LRP5: variants seen among roughly 807,000 people sequenced by gnomAD.
LRP5 encodes low-density lipoprotein receptor-related protein 5.
In LRP5, 62 loss-of-function variants were observed where a neutral mutation model predicts 154.1. That is an observed-to-expected ratio of 0.40 (90% CI 0.33 to 0.50). LRP5 has a LOEUF of 0.50. Among genes scored for constraint, LRP5 ranks in the 20% least tolerant of loss-of-function variants. LRP5 has a pLI of 0.55. For missense variants in LRP5, 1,915 were observed against 2,336.7 expected (o/e 0.82, Z 3.72); for synonymous variants, 966 against 1,011.5 (o/e 0.96, Z 0.85).
chr11:68,321,195 A>G (rs1017678777), intron 1 of LRP5, among the ~76,000 whole-genome samples: 16 of 151,192 alleles, frequency 1.1e-4, no homozygotes, highest in African/African-American at 3.7e-4. Context: ...TGTAGTGTCC[A>G]CAGACACCTG....
intron 2 of LRP5, 129 bp downstream of exon 2, chr11:68,348,372 G>A (rs1591205465): frequency 1.6e-6 from 2 of 1,232,614 alleles, no homozygotes; most frequent in East Asian, 2.5e-5. Context: ...CCGTGGGGGG[G>A]TTGGCTCAGG....
chr11:68,395,303 A>AG (rs2098648650), intron 7 of LRP5, among the ~76,000 whole-genome samples: 1 of 150,198 alleles, frequency 6.7e-6, no homozygotes, highest in African/African-American at 2.4e-5. Flanking sequence ...TCCATCTCAA[A>AG]AAAAAAAAAA....
At position 68,443,575 on chromosome 11, in the gene LRP5, ATATATATATATT is replaced by A. The variant is rs1163414487; in HGVS notation, c.4489-2859_4489-2848del. ...TATATATATATATATATATATATAT[ATATATATATATT>A]TTTTTTTTTTTTGGTTATGTTCAGA... On this transcript the variant is annotated intron_variant, in intron 21 of 22. Transcript: ENST00000294304. Among the ~76,000 whole-genome samples the A allele has an allele frequency of 4.6e-3, 191 of 41,364 alleles. 5 individuals are homozygous for A. Among genetic ancestry groups the A allele is most frequent in the Middle Eastern group, 0.012 (1 of 82 alleles). The allele number at this position is 41,364 out of a possible 152,430, so 27.1% of individuals were successfully genotyped here.
In LRP5 at chr11:68,353,481, C is replaced by T. The variant is rs549479090; in HGVS notation, c.489-4169C>T. ...GAGGATTCCAGCCTGTCACAGCGCC[C>T]GCGGCAGCAACCCCTGCTCGCCAAA... On this transcript the variant is annotated intron_variant, in intron 2 of 22. Transcript: ENST00000294304. This position sits in a 1 kb window ranked among gnomAD's most constrained non-coding sequence, Gnocchi z 4.5. Among the ~76,000 whole-genome samples the T allele has an allele frequency of 4.3e-4, 66 of 152,180 alleles. No homozygotes were observed. The highest frequency in any genetic ancestry group is 5.1e-4 in the Non-Finnish European group (35 of 68,034).
intron 2 of LRP5, among the ~76,000 whole-genome samples, chr11:68,354,039 G>A (rs983437795): frequency 2.6e-5 from 4 of 152,164 alleles, no homozygotes; most frequent in Admixed American, 6.5e-5. Context: ...AGGAGTCCCC[G>A]GCCTGTACCA....
At chr11:68,377,439 C>T (rs1359937662) in intron 5 of LRP5, among the ~76,000 whole-genome samples, 3 of 152,110 alleles carry the variant, frequency 2.0e-5, no homozygotes, top group Non-Finnish European at 2.9e-5. Flanking sequence ...TGACAGTGGC[C>T]GGCCTCAGGT....
At position 68,439,874 on chromosome 11, in the gene LRP5, G is replaced by A. The variant is rs142191419; in HGVS notation, c.4446G>A (p.Ser1482=). 41 of 1,595,298 alleles carry A rather than the reference G, an allele frequency of 2.6e-5. No individual in the cohort carries two copies. The highest frequency in any genetic ancestry group is 1.2e-4 in the African/African-American group (9 of 74,796). The change falls in exon 21 of 23, where the codon TCG becomes TCA. Residue 1482 remains serine (S), a synonymous_variant. Transcript: ENST00000294304. ...ACCGGAACCACGTCACAGGGGCCTCGTCCAGCAGCTCGTCCAGCACGAAGG... is the reference window on the plus strand; with the variant it reads ...ACCGGAACCACGTCACAGGGGCCTCATCCAGCAGCTCGTCCAGCACGAAGG... ...LYDRNHVTGA[S]SSSSSSTKAT... is the part of the protein sequence containing the mutation.
intron 5 of LRP5, among the ~76,000 whole-genome samples, chr11:68,381,438 G>A (rs1192389570): frequency 1.3e-5 from 2 of 152,106 alleles, no homozygotes; most frequent in African/African-American, 4.8e-5. Flanking sequence ...CCTTGGGATG[G>A]CTTTTTTGTT....
intron 1 of LRP5, among the ~76,000 whole-genome samples, chr11:68,326,826 A>C (rs2098599980): frequency 6.6e-6 from 1 of 152,214 alleles, no homozygotes; most frequent in African/African-American, 2.4e-5. Flanking sequence ...CTTGCGGCAT[A>C]TGGGAAGCCT....
At chr11:68,411,327 CGG>C (rs1276117212) in intron 10 of LRP5, 107 bp from the exon 11 acceptor site, 1 of 1,217,074 alleles carries the variant, frequency 8.2e-7, no homozygotes, top group Non-Finnish European at 1.2e-6. Flanking sequence ...TTCTCCAGGA[CGG>C]GGAGGGCTGA....
chr11:68,428,943 A>AAAAAAT, intron 16 of LRP5, among the ~76,000 whole-genome samples: 1 of 3,174 alleles, frequency 3.2e-4, no homozygotes, highest in South Asian at 0.022. Context: ...AAAAAAAAAA[A>AAAAAAT]AAAATTAGCC....
At chr11:68,443,579 ATATATATTTT>A (rs1228717929) in intron 21 of LRP5, among the ~76,000 whole-genome samples, 1,380 of 39,686 alleles carry the variant, frequency 0.035, 14 homozygotes, top group East Asian at 0.048. Flanking sequence ...ATATATATAT[ATATATATTTT>A]TTTTTTTTTT....
chr11:68,318,613 A>G (rs2098594866), intron 1 of LRP5, among the ~76,000 whole-genome samples: 1 of 152,170 alleles, frequency 6.6e-6, no homozygotes, highest in Non-Finnish European at 1.5e-5. Flanking sequence ...TGCTGGGATT[A>G]CAGACATGAG....
At chr11:68,355,884 G>A (rs1168167807) in intron 2 of LRP5, among the ~76,000 whole-genome samples, 5 of 152,060 alleles carry the variant, frequency 3.3e-5, no homozygotes, top group Admixed American at 6.6e-5. Context: ...TGTCTCCCAG[G>A]CTGAGAGTGC....
In LRP5 at chr11:68,438,651, C is replaced by A; in HGVS notation, c.4317C>A (p.Ala1439=). Reference sequence around the variant, plus strand: ...CGCACGTGCCCCTCAATTTCATAGCCCCGGGCGGTTCCCAGCATGGCCCCT... The same window carrying A: ...CGCACGTGCCCCTCAATTTCATAGCACCGGGCGGTTCCCAGCATGGCCCCT... The part of the protein sequence containing the change: ...GTPHVPLNFI[A]PGGSQHGPFT... Residue 1439 remains alanine (A), a synonymous_variant, in exon 20 of 23, where the codon GCC becomes GCA. Transcript: ENST00000294304. 6.2e-7 allele frequency: 1 copy of A among 1,613,322 alleles called. No individual in the cohort carries two copies. Among genetic ancestry groups the A allele is most frequent in the Non-Finnish European group, 8.5e-7 (1 of 1,179,980 alleles).
At chr11:68,436,304 G>A (rs1046104977) in intron 18 of LRP5, among the ~76,000 whole-genome samples, 4 of 152,170 alleles carry the variant, frequency 2.6e-5, no homozygotes, top group Admixed American at 1.3e-4. Context: ...CTGGGGGCAG[G>A]CGTGGCTATG....
In LRP5 at chr11:68,403,478, T is replaced by G; in HGVS notation, c.1585-5T>G. The G allele has an allele frequency of 6.2e-7, 1 of 1,613,794 alleles. No individual in the cohort carries two copies. Among genetic ancestry groups the G allele is most frequent in the African/African-American group, 1.3e-5 (1 of 75,040 alleles). On this transcript the variant is annotated splice_region_variant and splice_polypyrimidine_tract_variant and intron_variant, in intron 7 of 22. Coordinates refer to ENST00000294304, the MANE Select transcript of LRP5 (RefSeq NM_002335.4). ...ATCCAGACCTATATTTCTGCCGTCC[T>G]GCAGGTGATCAATGTTGATGGGACG... is the stretch of plus-strand genomic sequence containing the variant.
chr11:68,390,515 G>T (rs1211430448), intron 7 of LRP5, among the ~76,000 whole-genome samples: 1 of 152,290 alleles, frequency 6.6e-6, no homozygotes, highest in Non-Finnish European at 1.5e-5. Context: ...GCCTGAGTTT[G>T]GTGATTGGTT....
Position 68,428,123 on chromosome 11 carries a change from A to T in LRP5, c.3638-1452A>T, listed in dbSNP as rs555295592. ...TTCTCCTACCTCAGCCTTCCAAGTA[A>T]CTGGGATTACAGGCACCCACCACCA... is the stretch of plus-strand genomic sequence containing the variant. On this transcript the variant is annotated intron_variant, in intron 16 of 22. Coordinates refer to ENST00000294304, the MANE Select transcript of LRP5 (RefSeq NM_002335.4). Among the ~76,000 whole-genome samples the T allele has an allele frequency of 1.9e-4, 29 of 151,460 alleles. No individual in the cohort carries two copies. In the East Asian group the frequency reaches 2.1e-3, roughly 11 times the overall value.
Sources: allele counts gnomAD v4.1 joint callset (sites outside exome capture counted in the v4.1 genomes callset), GRCh38; gene constraint gnomAD v4.1.1; non-coding constraint Gnocchi (gnomAD v3.1); transcripts MANE v1.5; gene names NCBI Gene and HGNC (gene_info 2026-07-23, HGNC 2026-07-21).